The following AOAH variants were observed in gnomAD, a reference collection of about 807,000 sequenced individuals.
AOAH encodes the protein acyloxyacyl hydrolase (neutrophil).
In AOAH, 64 loss-of-function variants were observed where a neutral mutation model predicts 92.2. The ratio of observed to expected loss-of-function variants is 0.69; its 90% CI spans 0.57 to 0.86. The LOEUF (loss-of-function observed/expected upper bound fraction) is 0.86, where lower values mean the gene tolerates loss of function less well. Ranked by LOEUF, AOAH falls within the 40% of genes least tolerant of loss-of-function variation. AOAH has a pLI of 0.00. For synonymous variants in AOAH, 263 were observed against 254.5 expected (o/e 1.03, Z -0.32); for missense variants, 656 against 694.6 (o/e 0.94, Z 0.62).
In AOAH at chr7:36,548,621, A is replaced by C. The variant is rs754540294; in HGVS notation, c.1124T>G (p.Val375Gly). 1.2e-6 allele frequency: 2 copies of C among 1,613,604 alleles called. No individual in the cohort carries two copies. The highest frequency in any genetic ancestry group is 1.7e-6 in the Non-Finnish European group (2 of 1,179,608). The change falls in exon 15 of 21, where the codon GTC becomes GGC. Residue 375 changes from valine to glycine, a missense_variant. Val to Gly is a moderately radical substitution (Grantham distance 109). Transcript: ENST00000617537. ...IVIYAMIGND[V>G]CSGKSDPVPA... ...TTTCTCAATAACTCACCCACTGCAGACATCATTTCCAATCATGGCATATAT... is the reference window on the plus strand; with the variant it reads ...TTTCTCAATAACTCACCCACTGCAGCCATCATTTCCAATCATGGCATATAT...
intron 20 of AOAH, among the ~76,000 whole-genome samples, chr7:36,515,676 C>G (rs1783617287): frequency 7.6e-6 from 1 of 132,252 alleles, no homozygotes. Flanking sequence ...CCCCTCACAA[C>G]CCCACACCAC....
chr7:36,608,257 C>T (rs557550436), intron 11 of AOAH, among the ~76,000 whole-genome samples: 1 of 152,212 alleles, frequency 6.6e-6, no homozygotes, highest in Non-Finnish European at 1.5e-5. Context: ...GCACACTTAC[C>T]TTCCCCGACA....
At chr7:36,707,006 T>C (rs1254483718) in intron 1 of AOAH, among the ~76,000 whole-genome samples, 1 of 151,056 alleles carries the variant, frequency 6.6e-6, no homozygotes, top group African/African-American at 2.4e-5. Flanking sequence ...TTTAGTGGAA[T>C]AGTGCTTTAA....
chr7:36,532,054 G>A, intron 18 of AOAH, 93 bp downstream of exon 18: 1 of 1,461,970 alleles, frequency 6.8e-7, no homozygotes, highest in Non-Finnish European at 9.6e-7. Context: ...GAGACCATCT[G>A]CCTGCCAGGA....
rs760203324 is a variant in AOAH, at chr7:36,616,438, G to A, written c.788C>T (p.Ser263Leu). The A allele has an allele frequency of 6.2e-7, 1 of 1,614,128 alleles. No individual in the cohort carries two copies. The highest frequency in any genetic ancestry group is 1.1e-5 in the South Asian group (1 of 91,076). Residue 263 changes from serine (S) to leucine (L), a missense_variant, in exon 11 of 21, where the codon TCA becomes TTA. By Grantham distance (145) the Ser-to-Leu change is moderately radical. Coordinates refer to ENST00000617537, the MANE Select transcript of AOAH (RefSeq NM_001637.4). Reference sequence around the variant, plus strand: ...AGAGATGTGAAAATGAGCCCCAGCTGAGTCTCCCAGCAAAATGATTCCCCT... The same window carrying A: ...AGAGATGTGAAAATGAGCCCCAGCTAAGTCTCCCAGCAAAATGATTCCCCT... ...QPRGIILLGDSAGAHFHISPE... is the reference protein window; with the variant it reads ...QPRGIILLGDLAGAHFHISPE...
chr7:36,683,714 G>A (rs536431926), intron 2 of AOAH, among the ~76,000 whole-genome samples: 12 of 134,188 alleles, frequency 8.9e-5, no homozygotes, highest in Non-Finnish European at 1.5e-4. Context: ...AAAATATTGT[G>A]GTTCTGAACT....
intron 13 of AOAH, among the ~76,000 whole-genome samples, chr7:36,555,218 C>A (rs1372594344): frequency 2.0e-5 from 3 of 151,678 alleles, no homozygotes; most frequent in Admixed American, 2.0e-4. Flanking sequence ...TTGTCAAAGG[C>A]CTTTTCTGCA....
intron 5 of AOAH, among the ~76,000 whole-genome samples, chr7:36,635,104 C>A (rs1793430088): frequency 6.6e-6 from 1 of 152,198 alleles, no homozygotes; most frequent in African/African-American, 2.4e-5. Context: ...ATGAGTCTTG[C>A]TTGCCTATTT....
chr7:36,514,345 C>A, intron 20 of AOAH: 1 of 684,456 alleles, frequency 1.5e-6, no homozygotes, highest in Non-Finnish European at 2.4e-6. Flanking sequence ...TGGCTGGGTC[C>A]CTGACTGGGT....
chr7:36,655,132 TC>T (rs1424592015), intron 4 of AOAH, among the ~76,000 whole-genome samples: 1 of 152,188 alleles, frequency 6.6e-6, no homozygotes, highest in Non-Finnish European at 1.5e-5. Context: ...TGTGCTTGCA[TC>T]TTAGTGAGGA....
In AOAH at chr7:36,716,946, A is replaced by G. The variant is rs555057038; in HGVS notation, c.127+7076T>C. 3.0e-3 allele frequency among the ~76,000 whole-genome samples: 459 copies of G among 151,662 alleles called. 3 individuals carry two copies. The highest frequency in any genetic ancestry group is 0.011 in the African/African-American group (444 of 41,308). On this transcript the variant is annotated intron_variant, in intron 1 of 20. Transcript: ENST00000617537. ...TATGTAACAAACCTGCACGTTGTGC[A>G]CATGTACCCTAAAACTTAAAGTATA...
At chr7:36,672,272 C>A (rs1037618747) in intron 3 of AOAH, among the ~76,000 whole-genome samples, 2 of 152,104 alleles carry the variant, frequency 1.3e-5, no homozygotes. Flanking sequence ...CTCTAGGCTA[C>A]CCTGTTGTAG....
At chr7:36,540,618 G>A in intron 15 of AOAH, 127 bp from the exon 16 acceptor site, 2 of 841,884 alleles carry the variant, frequency 2.4e-6, no homozygotes, top group South Asian at 3.7e-5. Context: ...GTGGTCATTG[G>A]AGCTATTTGC....
At chr7:36,621,451 A>G (rs1036221739) in intron 8 of AOAH, among the ~76,000 whole-genome samples, 2 of 152,228 alleles carry the variant, frequency 1.3e-5, no homozygotes, top group African/African-American at 2.4e-5. Context: ...TAAGCTCCAG[A>G]AGAGGAGGCA....
At chr7:36,517,172 T>TTCTCTCTTTCTTTCTTTCTC (rs756572469) in intron 20 of AOAH, among the ~76,000 whole-genome samples, 2 of 117,112 alleles carry the variant, frequency 1.7e-5, no homozygotes, top group Non-Finnish European at 1.7e-5. Flanking sequence ...CTTTCTTTCT[T>TTCTCTCTTTCTTTCTTTCTC]TCTTTCTTTC....
rs140015976 is a variant in AOAH, at chr7:36,544,300, G to A, written c.1134-3809C>T. On this transcript the variant is annotated intron_variant, in intron 15 of 20. Coordinates refer to ENST00000617537, the MANE Select transcript of AOAH (RefSeq NM_001637.4). ...TGTGTACTTTTTCCCCTCTGGTGAT[G>A]TTTGGGGGAGACTTTGTGTTAGTAT... 8.7e-3 allele frequency among the ~76,000 whole-genome samples: 1,318 copies of A among 152,196 alleles called. 19 individuals carry two copies. The highest frequency in any genetic ancestry group is 0.03 in the African/African-American group (1,245 of 41,548).
At chr7:36,598,812 C>T (rs559091009) in intron 11 of AOAH, among the ~76,000 whole-genome samples, 1 of 152,292 alleles carries the variant, frequency 6.6e-6, no homozygotes, top group African/African-American at 2.4e-5. Context: ...ACATTAAACA[C>T]TAAAAGCCTT....
chr7:36,712,847 G>A (rs1798857054), intron 1 of AOAH, among the ~76,000 whole-genome samples: 2 of 152,284 alleles, frequency 1.3e-5, no homozygotes, highest in African/African-American at 2.4e-5. Flanking sequence ...AACATGGAAA[G>A]GAACAACCGG....
At chr7:36,547,544 G>C (rs541364515) in intron 15 of AOAH, among the ~76,000 whole-genome samples, 1 of 152,210 alleles carries the variant, frequency 6.6e-6, no homozygotes, top group Admixed American at 6.5e-5. Flanking sequence ...GTCCAGCTCT[G>C]CCATTAATCA....
Sources: gnomAD v4.1 joint callset for allele counts (sites outside exome capture counted in the v4.1 genomes callset) on GRCh38, gnomAD v4.1.1 for gene constraint, MANE v1.5 for transcripts, NCBI Gene and HGNC (gene_info 2026-07-23, HGNC 2026-07-21) for gene names.